Variants in SVIL observed in about 807,000 individuals in gnomAD.
SVIL encodes the protein supervillin.
A neutral mutation model predicts 240.4 loss-of-function variants in SVIL; 101 were observed. The ratio of observed to expected loss-of-function variants is 0.42; its 90% CI spans 0.36 to 0.50. The LOEUF is 0.50. Ranked by LOEUF, SVIL falls within the 20% of genes least tolerant of loss-of-function variation. The pLI, the probability that SVIL is intolerant of heterozygous loss-of-function variation, is 0.01. For missense variants in SVIL, 2,512 were observed against 2,818.7 expected (o/e 0.89, Z 2.46); for synonymous variants, 999 against 1,100.0 (o/e 0.91, Z 1.82).
Position 29,654,037 on chromosome 10 carries a change from A to G in SVIL, c.-201+3932T>C, listed in dbSNP as rs543846507. On this transcript the variant is annotated intron_variant, in intron 3 of 35. Transcript: ENST00000375400. ...GTCATGGCTATTCTGGGTCCCTTGA[A>G]TTTCCATATTAGTTTTAGTATCTAC... 1.0e-3 allele frequency among the ~76,000 whole-genome samples: 157 copies of G among 152,216 alleles called. 1 individual carries two copies. The highest frequency in any genetic ancestry group is 0.01 in the Middle Eastern group (3 of 294).
At chr10:29,545,554 C>T (rs1029034560) in intron 6 of SVIL, among the ~76,000 whole-genome samples, 3 of 151,992 alleles carry the variant, frequency 2.0e-5, no homozygotes, top group African/African-American at 7.2e-5. Context: ...AGTGGATCAC[C>T]ACTAGAAAAT....
At chr10:29,480,964 C>G in intron 28 of SVIL, 151 bp from the exon 29 acceptor site, 1 of 997,276 alleles carries the variant, frequency 1.0e-6, no homozygotes, top group South Asian at 1.6e-5. Flanking sequence ...CAGGGAAAGG[C>G]TGCATTTCCA....
At chr10:29,575,931 TATA>T (rs1955676352) in intron 1 of SVIL, among the ~76,000 whole-genome samples, 1 of 152,186 alleles carries the variant, frequency 6.6e-6, no homozygotes, top group South Asian at 2.1e-4. Flanking sequence ...CTAAATTTTC[TATA>T]ATATTAGTAT....
intron 6 of SVIL, among the ~76,000 whole-genome samples, chr10:29,536,911 C>CAAAAAAAAAAAA (rs59133069): frequency 3.3e-5 from 3 of 89,872 alleles, no homozygotes; most frequent in African/African-American, 1.4e-4. Context: ...GACTCTGTCA[C>CAAAAAAAAAAAA]AAAAAAAAAA....
intron 1 of SVIL, chr10:29,602,283 A>G: frequency 1.9e-6 from 1 of 533,770 alleles, no homozygotes; most frequent in Non-Finnish European, 3.9e-6. Context: ...CCAAGTTCTT[A>G]AAGGTGTACC....
intron 17 of SVIL, among the ~76,000 whole-genome samples, chr10:29,511,172 C>G (rs1357533982): frequency 7.4e-6 from 1 of 134,640 alleles, no homozygotes; most frequent in East Asian, 2.0e-4. Flanking sequence ...AGTCAACTGG[C>G]CTCTCTTGCC....
intron 6 of SVIL, among the ~76,000 whole-genome samples, chr10:29,536,358 T>G (rs1328748059): frequency 1.3e-5 from 2 of 151,956 alleles, no homozygotes; most frequent in South Asian, 4.1e-4. Context: ...CTTGTGACAA[T>G]TTACCTACAT....
At chr10:29,664,324 A>G (rs1959192440) in intron 2 of SVIL, among the ~76,000 whole-genome samples, 1 of 152,212 alleles carries the variant, frequency 6.6e-6, no homozygotes, top group South Asian at 2.1e-4. Flanking sequence ...TAGCAAACAC[A>G]AAATGAATAA....
intron 1 of SVIL, among the ~76,000 whole-genome samples, chr10:29,698,786 G>A (rs946581814): frequency 4.6e-5 from 7 of 150,748 alleles, no homozygotes; most frequent in African/African-American, 1.7e-4. Flanking sequence ...CTAGGCGCTA[G>A]GTATAGACCT....
chr10:29,596,947 T>C (rs1416488144), intron 1 of SVIL, among the ~76,000 whole-genome samples: 1 of 152,150 alleles, frequency 6.6e-6, no homozygotes, highest in African/African-American at 2.4e-5. Flanking sequence ...AGGAGACTGA[T>C]CTCCAGCTGC....
rs75810129 is a variant in SVIL at position 29,723,933 on chromosome 10, C to T, written c.-400+11818G>A. On this transcript the variant is annotated intron_variant, in intron 1 of 35. Transcript: ENST00000375400. ...AAGGGTTGGGTGAAGATTATGCAAA[C>T]ACAGCACTTAACTTTTCAAAACCAA... Among the ~76,000 whole-genome samples, 624 of 152,262 alleles carry T rather than the reference C, an allele frequency of 4.1e-3. 5 individuals are homozygous for T. Among genetic ancestry groups the T allele is most frequent in the African/African-American group, 0.013 (529 of 41,562 alleles).
At chr10:29,509,322 AGGGG>A (rs746951772) in intron 17 of SVIL, among the ~76,000 whole-genome samples, 3,301 of 109,922 alleles carry the variant, frequency 0.03, 114 homozygotes, top group South Asian at 0.071. Flanking sequence ...AGGGAGAAGG[AGGGG>A]GAGGGAGAGA....
intron 3 of SVIL, among the ~76,000 whole-genome samples, chr10:29,652,223 C>A (rs1270994483): frequency 1.3e-5 from 2 of 152,202 alleles, no homozygotes; most frequent in Non-Finnish European, 2.9e-5. Context: ...CATACACCCC[C>A]TGTCGTAGGC....
chr10:29,548,985 G>A (rs1205149475), intron 6 of SVIL, among the ~76,000 whole-genome samples: 1 of 151,904 alleles, frequency 6.6e-6, no homozygotes, highest in African/African-American at 2.4e-5. Context: ...AACACCAAAA[G>A]CAATGGCAAC....
intron 1 of SVIL, among the ~76,000 whole-genome samples, chr10:29,607,355 T>C (rs1957064916): frequency 6.6e-6 from 1 of 152,226 alleles, no homozygotes; most frequent in Non-Finnish European, 1.5e-5. Context: ...TATTTGTCCA[T>C]GTGAACTTCG....
At chr10:29,554,014 C>T (rs889431430) in intron 5 of SVIL, among the ~76,000 whole-genome samples, 9 of 151,990 alleles carry the variant, frequency 5.9e-5, no homozygotes, top group African/African-American at 1.9e-4. Context: ...CTTTGAGGGC[C>T]CCAGTCTAGG....
intron 3 of SVIL, chr10:29,643,890 T>A (rs1958571004): frequency 6.5e-6 from 3 of 462,060 alleles, no homozygotes; most frequent in Non-Finnish European, 1.3e-5. Context: ...GGCCTCGTGG[T>A]CAAAATGAGA....
In SVIL at chr10:29,567,658, C is replaced by A. The variant is rs578165736; in HGVS notation, c.-143+1597G>T. Among the ~76,000 whole-genome samples the A allele has an allele frequency of 4.6e-5, 7 of 152,298 alleles. No individual in the cohort carries two copies. In the East Asian group the frequency reaches 1.4e-3, roughly 29 times the overall value. Reference sequence around the variant, plus strand: ...CCTTGAATAAGGAATGCCTTCCTGTCTCTTTTTTCCTTAGTCACTTATTAG... The same window carrying A: ...CCTTGAATAAGGAATGCCTTCCTGTATCTTTTTTCCTTAGTCACTTATTAG... On this transcript the variant is annotated intron_variant, in intron 2 of 37. Coordinates refer to ENST00000355867, the MANE Select transcript of SVIL (RefSeq NM_021738.3).
intron 6 of SVIL, among the ~76,000 whole-genome samples, chr10:29,542,927 AC>A (rs1261789958): frequency 6.6e-6 from 1 of 152,136 alleles, no homozygotes; most frequent in Non-Finnish European, 1.5e-5. Context: ...CAGAAGCCAA[AC>A]TAATAACATC....
Sources: allele counts gnomAD v4.1 joint callset (sites outside exome capture counted in the v4.1 genomes callset), GRCh38; gene constraint gnomAD v4.1.1; transcripts MANE v1.5; gene names NCBI Gene and HGNC (gene_info 2026-07-23, HGNC 2026-07-21).